Variants in RGS3 observed in about 807,000 individuals in gnomAD.
RGS3 encodes the protein regulator of G-protein signalling 3.
In RGS3, 80 loss-of-function variants were observed where a neutral mutation model predicts 132.6. That is an observed-to-expected ratio of 0.60 (90% CI 0.50 to 0.73). The LOEUF is 0.73. Among genes scored for constraint, RGS3 ranks in the 30% least tolerant of loss-of-function variants. The pLI, the probability that RGS3 is intolerant of heterozygous loss-of-function variation, is 0.00. For synonymous variants in RGS3, 598 were observed against 620.6 expected, an observed-to-expected ratio of 0.96 and a Z score of 0.54; for missense variants, 1,382 against 1,530.8, an observed-to-expected ratio of 0.90 and a Z score of 1.62.
At chr9:113,478,577 G>A (rs2119208196) in intron 3 of RGS3, among the ~76,000 whole-genome samples, 1 of 152,276 alleles carries the variant, frequency 6.6e-6, no homozygotes, top group Middle Eastern at 3.4e-3. Context: ...GGGAGGCTGA[G>A]GTGGGAGGAT....
chr9:113,571,870 AT>A (rs537817296), intron 19 of RGS3, among the ~76,000 whole-genome samples: 1 of 152,232 alleles, frequency 6.6e-6, no homozygotes, highest in African/African-American at 2.4e-5. Context: ...CTTGAAATAG[AT>A]TTTTATCCAT....
chr9:113,591,586 G>C lies in RGS3; in HGVS notation c.3080+189G>C. On this transcript the variant is annotated intron_variant, in intron 21 of 24. Coordinates refer to ENST00000350696, the Ensembl canonical transcript of RGS3. This position sits in a 1 kb window ranked among gnomAD's most constrained non-coding sequence, Gnocchi z 4.4. ...CCCAAAGTGGGGTCACCTGGGTCCT[G>C]AGCATTCTCTCCAAGTGAGGCAAAG... is the stretch of plus-strand genomic sequence containing the variant. 5.1e-6 allele frequency: 3 copies of C among 588,434 alleles called. No individual in the cohort carries two copies. The highest frequency in any genetic ancestry group is 9.2e-6 in the Non-Finnish European group (3 of 327,252). 36.5% of individuals were successfully genotyped at this position (588,434 alleles called of 1,614,324 possible). A position where few individuals can be genotyped will look rare whatever the true frequency, so the allele number is the denominator to read the frequency against.
At chr9:113,580,703 C>G (rs1411304974) in intron 19 of RGS3, 4 of 704,130 alleles carry the variant, frequency 5.7e-6, no homozygotes, top group Non-Finnish European at 1.7e-6. Flanking sequence ...GGGGGCAGTA[C>G]CCCTGCCTGA....
chr9:113,588,686 G>C lies in RGS3; in HGVS notation c.3016-2647G>C, dbSNP rs189882898. On this transcript the variant is annotated intron_variant, in intron 20 of 24. Coordinates refer to ENST00000350696, the Ensembl canonical transcript of RGS3. ...GCCCGGCACCTGACATGTAGTGAACGCTCAATAAATAATGGCAAAACCCAT... is the reference window on the plus strand; with the variant it reads ...GCCCGGCACCTGACATGTAGTGAACCCTCAATAAATAATGGCAAAACCCAT... Among the ~76,000 whole-genome samples the C allele has an allele frequency of 4.6e-5, 7 of 152,328 alleles. No homozygotes were observed. The East Asian group carries it at 1.2e-3, about 25-fold the overall frequency.
intron 19 of RGS3, among the ~76,000 whole-genome samples, chr9:113,577,576 G>A (rs1366309827): frequency 2.6e-5 from 4 of 152,188 alleles, no homozygotes; most frequent in Admixed American, 6.5e-5. Context: ...GGCTTGTAGA[G>A]TTGGGGGTAC....
At chr9:113,577,274 G>A (rs887429201) in intron 19 of RGS3, among the ~76,000 whole-genome samples, 10 of 152,232 alleles carry the variant, frequency 6.6e-5, no homozygotes, top group Non-Finnish European at 1.0e-4. Context: ...TTGAGCCACC[G>A]TGCCTGGCCT....
chr9:113,461,614 A>C (rs1359576557), intron 1 of RGS3: 2 of 1,257,640 alleles, frequency 1.6e-6, no homozygotes, highest in Non-Finnish European at 2.2e-6. Context: ...AGAGTGGGGC[A>C]GGAGTCAGGA....
At chr9:113,519,871 G>A (rs1371417270) in intron 16 of RGS3, among the ~76,000 whole-genome samples, 2 of 152,182 alleles carry the variant, frequency 1.3e-5, no homozygotes, top group Non-Finnish European at 2.9e-5. Context: ...CCTTCCAGAA[G>A]TAATAGACTT....
intron 3 of RGS3, among the ~76,000 whole-genome samples, chr9:113,465,416 C>T (rs185497351): frequency 6.1e-4 from 92 of 150,466 alleles, no homozygotes; most frequent in Middle Eastern, 6.9e-3. Context: ...TATATCCTCC[C>T]AGGCTTATTT....
intron 19 of RGS3, among the ~76,000 whole-genome samples, chr9:113,555,713 C>T (rs1280376216): frequency 6.6e-6 from 1 of 152,200 alleles, no homozygotes; most frequent in African/African-American, 2.4e-5. Flanking sequence ...GGTCTGCCTG[C>T]CTTGGCCTCC....
exon 20 of RGS3, chr9:113,583,869 TAGC>T (rs769852689): frequency 2.5e-6 from 4 of 1,613,768 alleles, no homozygotes; most frequent in Non-Finnish European, 3.4e-6. Flanking sequence ...ATCTGCCTCC[TAGC>T]CAGGTCTCCC....
Position 113,506,326 on chromosome 9 carries a change from A to G in RGS3, c.980-62A>G, listed in dbSNP as rs377292809. ...GGTCACCATGGCAGCAAAGGACTCC[A>G]GATCCTTTGAAGGGGTCTTAGGCTT... On this transcript the variant is annotated intron_variant, in intron 11 of 24. Transcript: ENST00000350696. The surrounding 1 kb of genome is among the most constrained non-coding windows in gnomAD (Gnocchi z 4.7). 5.4e-4 allele frequency: 564 copies of G among 1,041,888 alleles called. 1 individual carries two copies. In the African/African-American group the frequency reaches 7.5e-3, roughly 14 times the overall value. The allele number at this position is 1,041,888 out of a possible 1,614,324, so 64.5% of individuals were successfully genotyped here.
chr9:113,485,514 C>G, intron 6 of RGS3, 111 bp from the exon 5 acceptor site: 1 of 685,288 alleles, frequency 1.5e-6, no homozygotes, highest in Non-Finnish European at 2.6e-6. Context: ...TTTATTTAAC[C>G]AGCTGTTGAC....
chr9:113,453,790 G>A (rs988024847), intron 1 of RGS3, among the ~76,000 whole-genome samples: 5 of 144,448 alleles, frequency 3.5e-5, no homozygotes, highest in African/African-American at 1.3e-4. Context: ...CTCATTATAT[G>A]ATTATATAAT....
Position 113,517,391 on chromosome 9 carries a change from G to A in RGS3, c.1675-150G>A, listed in dbSNP as rs553439681. 2,429 of 710,974 alleles carry A rather than the reference G, an allele frequency of 3.4e-3. 7 individuals are homozygous for A. Among genetic ancestry groups the A allele is most frequent in the Non-Finnish European group, 5.0e-3 (1,924 of 387,706 alleles). 44.0% of individuals were successfully genotyped at this position (710,974 alleles called of 1,614,324 possible). ...CTGTTTCCATCTTATGTATGAGGGGGTGTGTGGGTTCTCGGGTCGGTGGCG... is the reference window on the plus strand; with the variant it reads ...CTGTTTCCATCTTATGTATGAGGGGATGTGTGGGTTCTCGGGTCGGTGGCG... On this transcript the variant is annotated intron_variant, in intron 15 of 24. Transcript: ENST00000350696.
upstream of RGS3, among the ~76,000 whole-genome samples, chr9:113,458,877 G>A (rs1233861352): frequency 1.3e-5 from 2 of 152,022 alleles, no homozygotes; most frequent in Admixed American, 6.6e-5. Context: ...TCAGTCTCCC[G>A]AGTAGCTAGG....
intron 1 of RGS3, among the ~76,000 whole-genome samples, chr9:113,452,304 GT>G (rs910154339): frequency 2.6e-5 from 4 of 151,436 alleles, no homozygotes; most frequent in African/African-American, 9.7e-5. Context: ...CACTCAGCCT[GT>G]TTTTTTTCTT....
intron 19 of RGS3, among the ~76,000 whole-genome samples, chr9:113,564,377 T>C (rs1408561700): frequency 6.6e-6 from 1 of 151,840 alleles, no homozygotes; most frequent in Non-Finnish European, 1.5e-5. Flanking sequence ...TGGCACGGAG[T>C]TCATGCTCAA....
At chr9:113,501,269 A>G (rs1451663111) in intron 10 of RGS3, 2 of 486,680 alleles carry the variant, frequency 4.1e-6, no homozygotes, top group African/African-American at 3.8e-5. Context: ...CATGGCGGAG[A>G]ATGCAGCCAG....
Sources: gnomAD v4.1 joint callset for allele counts (sites outside exome capture counted in the v4.1 genomes callset) on GRCh38, gnomAD v4.1.1 for gene constraint, Gnocchi (gnomAD v3.1) non-coding constraint, MANE v1.5 for transcripts, NCBI Gene and HGNC (gene_info 2026-07-23, HGNC 2026-07-21) for gene names.